The following PRSS23 variants were observed in gnomAD, a reference collection of about 807,000 sequenced individuals.
The protein encoded by PRSS23 is serine protease 23, also known as protease, serine 23.
A neutral mutation model predicts 34.7 loss-of-function variants in PRSS23; 25 were observed. That is an observed-to-expected ratio of 0.72 (90% CI 0.53 to 1.01). The LOEUF is 1.01. PRSS23 is among the 50% of genes least tolerant of loss of function. The probability of loss-of-function intolerance (pLI) is 0.00; values close to 1 mark genes in which losing one functional copy is unlikely to be tolerated. For synonymous variants in PRSS23, 176 were observed against 186.6 expected (o/e 0.94, Z 0.46); for missense variants, 445 against 475.6 (o/e 0.94, Z 0.60).
chr11:86,918,896 A>C (rs937324440), intron 2 of PRSS23, among the ~76,000 whole-genome samples: 1 of 152,214 alleles, frequency 6.6e-6, no homozygotes, highest in Non-Finnish European at 1.5e-5. Flanking sequence ...TATTTTAATA[A>C]CCTGGGAACT....
At chr11:86,823,680 C>A in intron 2 of PRSS23, 1 of 678,876 alleles carries the variant, frequency 1.5e-6, no homozygotes, top group South Asian at 1.6e-5. Flanking sequence ...TGCATTTTAA[C>A]GGAGCAAAGC....
chr11:86,932,233 G>A (rs1037102801), intron 2 of PRSS23, among the ~76,000 whole-genome samples: 4 of 152,180 alleles, frequency 2.6e-5, no homozygotes, highest in Admixed American at 2.0e-4. Context: ...CAGGGGAGGG[G>A]CAGGAGCTGC....
chr11:86,843,400 C>G (rs1279349656), intron 2 of PRSS23, among the ~76,000 whole-genome samples: 2 of 152,096 alleles, frequency 1.3e-5, no homozygotes, highest in African/African-American at 2.4e-5. Context: ...GCAATGGCAA[C>G]AAAAGCCAAA....
chr11:86,879,298 G>C lies in PRSS23; in HGVS notation c.206+55705G>C, dbSNP rs867305252. Among the ~76,000 whole-genome samples the C allele has an allele frequency of 1.4e-3, 208 of 148,740 alleles. 1 individual carries two copies. The highest frequency in any genetic ancestry group is 1.7e-3 in the Non-Finnish European group (117 of 67,232). On this transcript the variant is annotated intron_variant, in intron 2 of 2. Transcript: ENST00000533902. ...CGACCCCGTCTGGGAGGTGAGGAGC[G>C]TCTCTGCCCAGCCGCCCCGTCTGAG... is the stretch of plus-strand genomic sequence containing the variant.
chr11:86,899,537 CAG>C (rs1948897737), intron 2 of PRSS23, among the ~76,000 whole-genome samples: 16 of 148,406 alleles, frequency 1.1e-4, no homozygotes, highest in Non-Finnish European at 4.5e-5. Context: ...TTTTTTGAGA[CAG>C]AGTCTCGCTC....
intron 2 of PRSS23, among the ~76,000 whole-genome samples, chr11:86,931,141 C>T (rs1042767629): frequency 1.3e-5 from 2 of 152,128 alleles, no homozygotes; most frequent in Admixed American, 6.5e-5. Flanking sequence ...GTTGACAACT[C>T]ATATATCTGA....
intron 2 of PRSS23, among the ~76,000 whole-genome samples, chr11:86,861,240 G>GA (rs1352266721): frequency 6.7e-6 from 1 of 150,066 alleles, no homozygotes; most frequent in Admixed American, 6.6e-5. Flanking sequence ...TGGGAGAGGG[G>GA]GGCGATATTA....
chr11:86,939,478 G>T (rs1949192534), intron 2 of PRSS23, among the ~76,000 whole-genome samples: 1 of 125,846 alleles, frequency 7.9e-6, no homozygotes, highest in African/African-American at 2.6e-5. Flanking sequence ...CTCTTGAATG[G>T]CTACTAAAGA....
At chr11:86,892,593 C>T (rs964203789) in intron 2 of PRSS23, among the ~76,000 whole-genome samples, 8 of 152,186 alleles carry the variant, frequency 5.3e-5, no homozygotes, top group African/African-American at 1.9e-4. Flanking sequence ...GAATTGAATA[C>T]TGGCTGCTCA....
chr11:86,951,335 A>T (rs745965975), exon 3 of PRSS23: 1 of 1,613,040 alleles, frequency 6.2e-7, no homozygotes. Flanking sequence ...TTCAACAGCC[A>T]TGTTGGAATC....
intron 2 of PRSS23, among the ~76,000 whole-genome samples, chr11:86,831,063 A>G (rs1432803583): frequency 6.6e-6 from 1 of 152,016 alleles, no homozygotes; most frequent in Non-Finnish European, 1.5e-5. Flanking sequence ...AACGGGGTTT[A>G]CAACTTGTAA....
At chr11:86,844,666 G>T (rs1333337065) in intron 2 of PRSS23, among the ~76,000 whole-genome samples, 1 of 152,112 alleles carries the variant, frequency 6.6e-6, no homozygotes, top group Admixed American at 6.5e-5. Flanking sequence ...TTGAATAATT[G>T]AATGCTGTGA....
chr11:86,808,590 G>A lies in PRSS23; in HGVS notation c.947G>A (p.Ser316Asn). ...YQQCDAQPGASGSGVYVRMWK... is the reference protein window; with the variant it reads ...YQQCDAQPGANGSGVYVRMWK... ...CAATGCGATGCCCAGCCAGGGGCCAGCGGGTCTGGGGTCTATGTGAGGATG... is the reference window on the plus strand; with the variant it reads ...CAATGCGATGCCCAGCCAGGGGCCAACGGGTCTGGGGTCTATGTGAGGATG... Residue 316 changes from serine (S) to asparagine (N), a missense_variant, in exon 2 of 2, where the codon AGC becomes AAC. Ser to Asn is a conservative substitution (Grantham distance 46). Transcript: ENST00000280258. The A allele has an allele frequency of 6.2e-7, 1 of 1,614,234 alleles. No homozygotes were observed. The highest frequency in any genetic ancestry group is 8.5e-7 in the Non-Finnish European group (1 of 1,180,046).
At chr11:86,952,697 T>A in exon 3 of PRSS23, 1 of 478,014 alleles carries the variant, frequency 2.1e-6, no homozygotes, top group East Asian at 3.6e-5. Context: ...TCCAGAAGAA[T>A]GTACATAAAT....
At chr11:86,949,126 A>G (rs1054592282) in intron 2 of PRSS23, 3 of 152,208 alleles carry the variant, frequency 2.0e-5, no homozygotes, top group African/African-American at 7.2e-5. Context: ...CAAGGTACTC[A>G]GACTGGGCAC....
At chr11:86,947,727 G>T (rs1379680012) in intron 2 of PRSS23, 3 of 152,294 alleles carry the variant, frequency 2.0e-5, no homozygotes, top group African/African-American at 7.2e-5. Context: ...CAAGCAGATG[G>T]TTCTGGCCAG....
In PRSS23 at chr11:86,802,800, G is replaced by A. The variant is rs182576355; in HGVS notation, c.-14+2149G>A. On this transcript the variant is annotated intron_variant, in intron 1 of 1. Coordinates refer to ENST00000280258, the MANE Select transcript of PRSS23 (RefSeq NM_007173.6). ...TTGCAGTTTTCAAGACTAAGGTGCCGTGCAGGAGACAGTAGTCACTGCATC... is the reference window on the plus strand; with the variant it reads ...TTGCAGTTTTCAAGACTAAGGTGCCATGCAGGAGACAGTAGTCACTGCATC... 1.1e-4 allele frequency among the ~76,000 whole-genome samples: 17 copies of A among 152,284 alleles called. No homozygotes were observed. The East Asian group carries it at 3.1e-3, about 28-fold the overall frequency.
chr11:86,840,918 C>A (rs1348571501), intron 2 of PRSS23, among the ~76,000 whole-genome samples: 1 of 116,840 alleles, frequency 8.6e-6, no homozygotes, highest in Non-Finnish European at 1.9e-5. Context: ...CCAGTGAGAA[C>A]AAACACACAA....
At chr11:86,885,516 G>A (rs980580281) in intron 2 of PRSS23, among the ~76,000 whole-genome samples, 8 of 152,116 alleles carry the variant, frequency 5.3e-5, no homozygotes, top group African/African-American at 1.9e-4. Context: ...GTGAGTAAAC[G>A]GATTACCCTC....
Sources: allele counts gnomAD v4.1 joint callset (sites outside exome capture counted in the v4.1 genomes callset), GRCh38; gene constraint gnomAD v4.1.1; transcripts MANE v1.5; gene names NCBI Gene and HGNC (gene_info 2026-07-23, HGNC 2026-07-21).